Variants in ADK observed in about 807,000 individuals in gnomAD.
The protein encoded by ADK is adenosine kinase, also known as N6,N6-dimethyladenosine kinase.
ADK carries 24 observed loss-of-function variants against 44.7 expected under a neutral mutation model. The observed-to-expected ratio is 0.54, with a 90% CI of 0.39 to 0.76. ADK has a LOEUF of 0.76. Among genes scored for constraint, ADK ranks in the 30% least tolerant of loss-of-function variants. The pLI is 0.00. For synonymous variants in ADK, 128 were observed against 142.6 expected, an observed-to-expected ratio of 0.90 and a Z score of 0.73; for missense variants, 321 against 425.1, an observed-to-expected ratio of 0.76 and a Z score of 2.15.
chr10:74,231,203 A>G (rs1024017923), intron 3 of ADK, among the ~76,000 whole-genome samples: 3 of 152,196 alleles, frequency 2.0e-5, no homozygotes, highest in East Asian at 3.8e-4. Context: ...ACACAAAGCT[A>G]TTTGGTCAGC....
chr10:74,644,842 A>T (rs1854000936), intron 9 of ADK, among the ~76,000 whole-genome samples: 1 of 152,098 alleles, frequency 6.6e-6, no homozygotes, highest in Non-Finnish European at 1.5e-5. Flanking sequence ...GTTTTATTTT[A>T]AAAAACACTT....
At chr10:74,699,149 T>C (rs1856317303) in intron 10 of ADK, among the ~76,000 whole-genome samples, 1 of 5,876 alleles carries the variant, frequency 1.7e-4, no homozygotes, top group South Asian at 4.1e-3. Flanking sequence ...CAACCTAGCC[T>C]TTTTTTTTTT....
intron 4 of ADK, among the ~76,000 whole-genome samples, chr10:74,339,719 A>G (rs750882968): frequency 6.6e-6 from 1 of 152,216 alleles, no homozygotes; most frequent in Non-Finnish European, 1.5e-5. Context: ...TAAGTGTGCA[A>G]ATAAATTATT....
chr10:74,673,245 A>G (rs1248284998), intron 10 of ADK, among the ~76,000 whole-genome samples: 2 of 152,266 alleles, frequency 1.3e-5, no homozygotes, highest in African/African-American at 4.8e-5. Context: ...TAAGCAGTAG[A>G]ATCGATTGCA....
intron 3 of ADK, among the ~76,000 whole-genome samples, chr10:74,248,399 A>G (rs570101457): frequency 6.6e-6 from 1 of 152,016 alleles, no homozygotes; most frequent in South Asian, 2.1e-4. Context: ...CTCGCTTGTC[A>G]CCAGGCTAGA....
intron 4 of ADK, among the ~76,000 whole-genome samples, chr10:74,357,048 C>G (rs1842169705): frequency 6.6e-6 from 1 of 152,178 alleles, no homozygotes; most frequent in Admixed American, 6.5e-5. Context: ...TTGGGGGTTA[C>G]TCTCCTGTGA....
At chr10:74,500,953 T>A (rs1478758554) in intron 6 of ADK, among the ~76,000 whole-genome samples, 1 of 152,216 alleles carries the variant, frequency 6.6e-6, no homozygotes, top group Non-Finnish European at 1.5e-5. Flanking sequence ...TTACTGACAG[T>A]TTGGCTCTTT....
In ADK at chr10:74,433,151, A is replaced by G. The variant is rs541518024; in HGVS notation, c.555+34572A>G. 4.6e-5 allele frequency among the ~76,000 whole-genome samples: 7 copies of G among 152,332 alleles called. No homozygotes were observed. In the East Asian group the frequency reaches 9.6e-4, roughly 21 times the overall value. On this transcript the variant is annotated intron_variant, in intron 6 of 10. Transcript: ENST00000539909. ...CAAAATGGATCATCCATAAGTGTTT[A>G]TACTGCAAACAGTGTATCAGAAATG...
At chr10:74,475,254 A>G (rs1846784869) in intron 6 of ADK, among the ~76,000 whole-genome samples, 1 of 152,136 alleles carries the variant, frequency 6.6e-6, no homozygotes, top group African/African-American at 2.4e-5. Flanking sequence ...CACTTTTACT[A>G]CTCAAATTCG....
intron 1 of ADK, among the ~76,000 whole-genome samples, chr10:74,151,931 C>T (rs1174120171): frequency 1.3e-5 from 2 of 152,166 alleles, no homozygotes; most frequent in African/African-American, 4.8e-5. Flanking sequence ...TTTATTTACA[C>T]TTTTTGGCAG....
At chr10:74,289,157 T>C (rs569063742) in intron 3 of ADK, among the ~76,000 whole-genome samples, 2 of 152,328 alleles carry the variant, frequency 1.3e-5, no homozygotes, top group African/African-American at 4.8e-5. Context: ...TATCAACAAA[T>C]AAATTCACTG....
chr10:74,651,279 G>A (rs530298451), intron 9 of ADK, among the ~76,000 whole-genome samples: 5 of 152,036 alleles, frequency 3.3e-5, no homozygotes, highest in South Asian at 4.2e-4. Flanking sequence ...CCCTAATTAC[G>A]GAGAACTGGT....
At chr10:74,235,190 AT>A (rs113407499) in intron 3 of ADK, among the ~76,000 whole-genome samples, 299 of 109,870 alleles carry the variant, frequency 2.7e-3, no homozygotes, top group Middle Eastern at 5.1e-3. Context: ...TTCATAAGGG[AT>A]TTTTTTTTTT....
intron 7 of ADK, among the ~76,000 whole-genome samples, chr10:74,547,440 ATATATATTTATTTATTTATT>A (rs1269889640): frequency 7.4e-6 from 1 of 135,824 alleles, no homozygotes; most frequent in Non-Finnish European, 1.5e-5. Context: ...TTATATATAT[ATATATATTTATTTATTTATT>A]TATTTATTTA....
intron 4 of ADK, among the ~76,000 whole-genome samples, chr10:74,378,770 G>C (rs1316703039): frequency 6.6e-6 from 1 of 152,018 alleles, no homozygotes; most frequent in Non-Finnish European, 1.5e-5. Context: ...GGAGGGGTTG[G>C]CATTTGCTAA....
intron 7 of ADK, among the ~76,000 whole-genome samples, chr10:74,577,116 G>C (rs1009967557): frequency 4.2e-5 from 6 of 142,884 alleles, no homozygotes; most frequent in African/African-American, 1.6e-4. Flanking sequence ...TTCTCTGTGT[G>C]TGTGTGTGTG....
At chr10:74,627,616 G>GT (rs995289133) in intron 9 of ADK, among the ~76,000 whole-genome samples, 1 of 150,522 alleles carries the variant, frequency 6.6e-6, no homozygotes, top group Non-Finnish European at 1.5e-5. Flanking sequence ...AATTCACAGT[G>GT]TTTTTTTGTT....
intron 4 of ADK, among the ~76,000 whole-genome samples, chr10:74,365,210 A>G (rs1842461357): frequency 6.6e-6 from 1 of 152,130 alleles, no homozygotes; most frequent in Non-Finnish European, 1.5e-5. Flanking sequence ...CACAACCATA[A>G]TTTCTAAATA....
At chr10:74,284,465 C>T (rs755846914) in intron 3 of ADK, among the ~76,000 whole-genome samples, 9 of 152,000 alleles carry the variant, frequency 5.9e-5, no homozygotes, top group South Asian at 2.1e-4. Flanking sequence ...GGTTTCTCCA[C>T]GTTGGTCAGG....
Sources: gnomAD v4.1 joint callset for allele counts (sites outside exome capture counted in the v4.1 genomes callset) on GRCh38, gnomAD v4.1.1 for gene constraint, MANE v1.5 for transcripts, NCBI Gene and HGNC (gene_info 2026-07-23, HGNC 2026-07-21) for gene names.